SPTBN5: variants seen among roughly 807,000 people sequenced by gnomAD.
SPTBN5 encodes the protein spectrin beta, non-erythrocytic 5.
Under a neutral mutation model 477.6 loss-of-function variants are expected in SPTBN5, and 513 were observed. That is an observed-to-expected ratio of 1.07 (90% CI 1.00 to 1.16). The LOEUF is 1.16. Ranked by LOEUF, SPTBN5 falls within the 50% of genes most tolerant of loss-of-function variation. The pLI, the probability that SPTBN5 is intolerant of heterozygous loss-of-function variation, is 0.00. For missense variants in SPTBN5, 5,062 were observed against 4,731.8 expected (o/e 1.07, Z -2.05); for synonymous variants, 2,169 against 2,011.7 (o/e 1.08, Z -2.09).
At chr15:41,851,391 G>A in intron 63 of SPTBN5, 22 bp from the exon 64 acceptor site, 1 of 1,537,350 alleles carries the variant, frequency 6.5e-7, no homozygotes, top group South Asian at 1.2e-5. Context: ...AGGCGGGAAG[G>A]TCGCATGAGC....
chr15:41,887,347 C>A lies in SPTBN5; in HGVS notation c.754G>T (p.Ala252Ser). 1.9e-6 allele frequency: 3 copies of A among 1,552,414 alleles called. No homozygotes were observed. The highest frequency in any genetic ancestry group is 2.6e-6 in the Non-Finnish European group (3 of 1,147,642). ...ACGTCCTCGGGGTCCAGCAGCTGAG[C>A]AATGCCCAGCTCCTGCTCAGCCACC... is the stretch of plus-strand genomic sequence containing the variant. Reference protein sequence around the residue: ...FLVAEQELGIAQLLDPEDVAA... With the variant: ...FLVAEQELGISQLLDPEDVAA... The change falls in exon 6 of 68, where the codon GCT becomes TCT. Residue 252 changes from alanine to serine, a missense_variant. Physicochemically the swap from Ala to Ser is moderately conservative, Grantham distance 99 (BLOSUM62 1). Transcript: ENST00000320955.
intron 26 of SPTBN5, among the ~76,000 whole-genome samples, chr15:41,872,997 T>G (rs926221192): frequency 6.6e-6 from 1 of 152,108 alleles, no homozygotes; most frequent in African/African-American, 2.4e-5. Flanking sequence ...TTGAAGCTTG[T>G]GTGGTTCTGG....
rs569098998 is a variant in SPTBN5, at chr15:41,862,664, C to A, written c.7264-4G>T. Reference sequence around the variant, plus strand: ...GGCCCACTTCACGCTCTAGGGACTGCGGGGGAAGCCGGGGTCAGAGGCTGG... The same window carrying A: ...GGCCCACTTCACGCTCTAGGGACTGAGGGGGAAGCCGGGGTCAGAGGCTGG... On this transcript the variant is annotated splice_polypyrimidine_tract_variant and splice_region_variant and intron_variant, in intron 42 of 67. Transcript: ENST00000320955. 1.9e-6 allele frequency: 3 copies of A among 1,547,504 alleles called. No individual in the cohort carries two copies. In the East Asian group the frequency reaches 7.2e-5, roughly 37 times the overall value.
intron 5 of SPTBN5, 22 bp from the exon 6 acceptor site, chr15:41,887,463 C>A: frequency 6.5e-7 from 1 of 1,531,878 alleles, no homozygotes; most frequent in Non-Finnish European, 8.8e-7. Flanking sequence ...GTGAGAAGGG[C>A]TCTTCACCAG....
chr15:41,868,100 C>G lies in SPTBN5; in HGVS notation c.6176G>C (p.Gly2059Ala), dbSNP rs2066396182. 2.5e-6 allele frequency: 4 copies of G among 1,603,864 alleles called. No homozygotes were observed. The highest frequency in any genetic ancestry group is 3.4e-6 in the Non-Finnish European group (4 of 1,177,120). ...QQEQLFLREC[G>A]RLEEILAAQE... ...GGCCGCGAGGATCTCCTCCAGGCGG[C>G]CGCACTCTCTGAGGAAGAGCTGCTC... is the stretch of plus-strand genomic sequence containing the variant. Residue 2059 changes from glycine (G) to alanine (A), a missense_variant, in exon 34 of 68, where the codon GGC becomes GCC. Gly to Ala is a moderately conservative substitution (Grantham distance 60, BLOSUM62 0). Coordinates refer to ENST00000320955, the MANE Select transcript of SPTBN5 (RefSeq NM_016642.4).
rs1297647845 is a variant in SPTBN5 at position 41,882,367 on chromosome 15, C to G, written c.2149G>C (p.Gly717Arg). The G allele has an allele frequency of 2.6e-6, 4 of 1,536,220 alleles. No individual in the cohort carries two copies. In the Admixed American group the frequency reaches 5.9e-5, roughly 23 times the overall value. Residue 717 changes from glycine to arginine, a missense_variant, in exon 11 of 68, where the codon GGG (glycine) becomes CGG (arginine). By Grantham distance (125) the Gly-to-Arg change is moderately radical (BLOSUM62 -2). Transcript: ENST00000320955. Reference protein sequence around the residue: ...ARRPPTQPDPGERAEAVQGGW... With the variant: ...ARRPPTQPDPRERAEAVQGGW... ...CCCTGAACGGCCTCTGCCCGTTCCC[C>G]GGGATCCGGCTGCGTTGGGGGCCTG...
In SPTBN5 at chr15:41,878,564, A is replaced by T. The variant is rs967580175; in HGVS notation, c.3248T>A (p.Leu1083Gln). 2.5e-6 allele frequency: 4 copies of T among 1,612,718 alleles called. No homozygotes were observed. The highest frequency in any genetic ancestry group is 3.4e-6 in the Non-Finnish European group (4 of 1,179,760). ...LQGQVETLQG[L>Q]LKQVQEQVAQ... is the part of the protein sequence containing the mutation. Reference sequence around the variant, plus strand: ...CACTTGTTCCTGTACTTGCTTCAGCAGCCCCTGCAGTGTCTCCACCTGTCC... The same window carrying T: ...CACTTGTTCCTGTACTTGCTTCAGCTGCCCCTGCAGTGTCTCCACCTGTCC... Residue 1083 changes from leucine to glutamine, a missense_variant, in exon 17 of 68, where the codon CTG becomes CAG. Leu to Gln is a moderately radical substitution (Grantham distance 113). Transcript: ENST00000320955.
chr15:41,853,395 C>T lies in SPTBN5; in HGVS notation c.10033G>A (p.Asp3345Asn), dbSNP rs149954264. Residue 3345 changes from aspartate to asparagine, a missense_variant, in exon 59 of 68, where the codon GAC (aspartate) becomes AAC (asparagine). Asp to Asn is a conservative substitution (Grantham distance 23, BLOSUM62 1). Coordinates refer to ENST00000320955, the MANE Select transcript of SPTBN5 (RefSeq NM_016642.4). ...ELASSEELAE[D>N]VAGAEQLLGQ... Reference sequence around the variant, plus strand: ...AGGAGCTGCTCAGCCCCCGCCACGTCCTCAGCCAGCTCCTCGGAGGACGCC... The same window carrying T: ...AGGAGCTGCTCAGCCCCCGCCACGTTCTCAGCCAGCTCCTCGGAGGACGCC... 7,942 of 1,607,258 alleles carry T rather than the reference C, an allele frequency of 4.9e-3. 30 individuals are homozygous for T. The highest frequency in any genetic ancestry group is 6.3e-3 in the Non-Finnish European group (7,394 of 1,175,610).
Position 41,852,666 on chromosome 15 carries a change from C to T in SPTBN5, c.10417G>A (p.Glu3473Lys), listed in dbSNP as rs374633996. The change falls in exon 61 of 68, where the codon GAA (glutamate) becomes AAA (lysine). Residue 3473 changes from glutamate to lysine, a missense_variant. By Grantham distance (56) the Glu-to-Lys change is moderately conservative. Coordinates refer to ENST00000320955, the MANE Select transcript of SPTBN5 (RefSeq NM_016642.4). ...QDLEKLLAAQEEKFAQMQKTE... is the reference protein window; with the variant it reads ...QDLEKLLAAQKEKFAQMQKTE... ...TTTTGCATTTGGGCAAACTTCTCTT[C>T]CTGGGCTGCCAGCAGCTTTTCTAAG... 5.0e-6 allele frequency: 8 copies of T among 1,613,472 alleles called. No individual in the cohort carries two copies. Among genetic ancestry groups the T allele is most frequent in the Non-Finnish European group, 6.8e-6 (8 of 1,179,870 alleles).
Position 41,854,129 on chromosome 15 carries a change from G to T in SPTBN5, c.9695C>A (p.Thr3232Lys). 1 of 1,591,660 alleles carries T rather than the reference G, an allele frequency of 6.3e-7. No homozygotes were observed. Among genetic ancestry groups the T allele is most frequent in the South Asian group, 1.1e-5 (1 of 87,174 alleles). The change falls in exon 57 of 68, where the codon ACG (threonine) becomes AAG (lysine). Residue 3232 changes from threonine to lysine, a missense_variant. Physicochemically the swap from Thr to Lys is moderately conservative, Grantham distance 78. Transcript: ENST00000320955. ...TCCGTCCTCCCCCTTCATCAGGGCC[G>T]TCTTCTCCTGCATCCTTCCCTGGAG... is the stretch of plus-strand genomic sequence containing the variant. Reference protein sequence around the residue: ...AELQGRMQEKTALMKGEDGGH... With the variant: ...AELQGRMQEKKALMKGEDGGH...
intron 16 of SPTBN5, 57 bp downstream of exon 16, chr15:41,879,203 C>A: frequency 6.4e-7 from 1 of 1,561,208 alleles, no homozygotes; most frequent in South Asian, 1.2e-5. Context: ...CACTGCCCTG[C>A]CCACGCCTTC....
At chr15:41,848,754 A>T in intron 67 of SPTBN5, 126 bp from the exon 68 acceptor site, 1 of 1,129,596 alleles carries the variant, frequency 8.9e-7, no homozygotes, top group South Asian at 1.2e-5. Context: ...GTGGGAGTGG[A>T]TTCCAGAGCT....
At chr15:41,881,415 C>T (rs1022313276) in intron 12 of SPTBN5, among the ~76,000 whole-genome samples, 181 bp from the exon 13 acceptor site, 2 of 152,190 alleles carry the variant, frequency 1.3e-5, no homozygotes, top group South Asian at 2.1e-4. Context: ...AGGGGCCAAA[C>T]GTGAGCACAG....
chr15:41,858,536 C>G, intron 49 of SPTBN5, 66 bp downstream of exon 49: 3 of 1,547,730 alleles, frequency 1.9e-6, no homozygotes, highest in South Asian at 1.2e-5. Context: ...AGCACCAGCT[C>G]TGGGGCACTG....
intron 49 of SPTBN5, 81 bp from the exon 50 acceptor site, chr15:41,857,791 A>G: frequency 6.8e-7 from 1 of 1,480,212 alleles, no homozygotes; most frequent in South Asian, 1.3e-5. Flanking sequence ...GACCACCAGC[A>G]CTAGAGCTGC....
rs1176818609 is a variant in SPTBN5 at position 41,854,052 on chromosome 15, C to T, written c.9772G>A (p.Glu3258Lys). ...RTLQQQHRRL[E>K]RELEAMEKEV... ...AGGCTGCAGGGCGTGGGCCTCACCT[C>T]CAGGCGCCTGTGCTGTTGCTGCAGG... The change falls in exon 57 of 68, where the codon GAG becomes AAG. Residue 3258 changes from glutamate to lysine, a missense_variant and splice_region_variant. Glu to Lys is a moderately conservative substitution (Grantham distance 56). Coordinates refer to ENST00000320955, the MANE Select transcript of SPTBN5 (RefSeq NM_016642.4). The T allele has an allele frequency of 1.3e-6, 2 of 1,562,582 alleles. No individual in the cohort carries two copies. The highest frequency in any genetic ancestry group is 1.2e-5 in the South Asian group (1 of 85,356).
At position 41,886,141 on chromosome 15, in the gene SPTBN5, G is replaced by A. The variant is rs368318926; in HGVS notation, c.1114C>T (p.Arg372Trp). The change falls in exon 7 of 68, where the codon CGG (arginine) becomes TGG (tryptophan). Residue 372 changes from arginine (R) to tryptophan (W), a missense_variant. Coordinates refer to ENST00000320955, the MANE Select transcript of SPTBN5 (RefSeq NM_016642.4). ...QRGAAEALLF[R>W]LQTALQAQNR... ...TGGGCTTGGAGTGCTGTCTGTAGCCGGAAGAGCAGGGCCTCTGCGGCCCCT... is the reference window on the plus strand; with the variant it reads ...TGGGCTTGGAGTGCTGTCTGTAGCCAGAAGAGCAGGGCCTCTGCGGCCCCT... 4.7e-5 allele frequency: 76 copies of A among 1,611,546 alleles called. No homozygotes were observed. Among genetic ancestry groups the A allele is most frequent in the African/African-American group, 3.9e-4 (29 of 75,048 alleles).
In SPTBN5 at chr15:41,848,427, G is replaced by T; in HGVS notation, c.*189C>A. 1 of 672,774 alleles carries T rather than the reference G, an allele frequency of 1.5e-6. No individual in the cohort carries two copies. The highest frequency in any genetic ancestry group is 2.7e-6 in the Non-Finnish European group (1 of 372,946). 41.7% of individuals were successfully genotyped at this position (672,774 alleles called of 1,614,324 possible). A position where few individuals can be genotyped will look rare whatever the true frequency, so the allele number is the denominator to read the frequency against. On this transcript the variant is annotated 3_prime_UTR_variant, in exon 68 of 68. Coordinates refer to ENST00000320955, the MANE Select transcript of SPTBN5 (RefSeq NM_016642.4). ...GAATGCAGGGGGAGGCCAGGCAATGGCTGTTTCCTGCCACATGGTAGGACC... is the reference window on the plus strand; with the variant it reads ...GAATGCAGGGGGAGGCCAGGCAATGTCTGTTTCCTGCCACATGGTAGGACC...
intron 66 of SPTBN5, chr15:41,850,203 G>A: frequency 3.9e-6 from 2 of 506,906 alleles, no homozygotes; most frequent in Non-Finnish European, 7.2e-6. Context: ...CCTTTCTTAG[G>A]AGGTGGGAAA....
Sources: allele counts gnomAD v4.1 joint callset (sites outside exome capture counted in the v4.1 genomes callset), GRCh38; gene constraint gnomAD v4.1.1; transcripts MANE v1.5; gene names NCBI Gene and HGNC (gene_info 2026-07-23, HGNC 2026-07-21).